Variants in NEDD4L observed in about 807,000 individuals in gnomAD.
NEDD4L encodes the protein E3 ubiquitin-protein ligase NEDD4-like.
In NEDD4L, 54 loss-of-function variants were observed where a neutral mutation model predicts 148.9. That is an observed-to-expected ratio of 0.36 (90% CI 0.29 to 0.45). The LOEUF is 0.45. Among genes scored for constraint, NEDD4L ranks in the 20% least tolerant of loss-of-function variants. The pLI is 1.00. For synonymous variants in NEDD4L, 433 were observed against 440.7 expected, an observed-to-expected ratio of 0.98 and a Z score of 0.22; for missense variants, 856 against 1,233.8, an observed-to-expected ratio of 0.69 and a Z score of 4.59.
intron 5 of NEDD4L, among the ~76,000 whole-genome samples, chr18:58,309,082 C>T (rs1283734653): frequency 2.6e-5 from 4 of 152,208 alleles, no homozygotes; most frequent in African/African-American, 9.6e-5. Flanking sequence ...GCCAGTTATT[C>T]CCTGTTTAAT....
chr18:58,080,934 G>T (rs2083397003), intron 1 of NEDD4L, among the ~76,000 whole-genome samples: 1 of 152,032 alleles, frequency 6.6e-6, no homozygotes, highest in South Asian at 2.1e-4. Flanking sequence ...ATTGGGAGGT[G>T]GTAGAGGGCT....
At chr18:58,287,040 G>C (rs1338275181) in intron 5 of NEDD4L, among the ~76,000 whole-genome samples, 1 of 151,672 alleles carries the variant, frequency 6.6e-6, no homozygotes, top group Non-Finnish European at 1.5e-5. Flanking sequence ...AGTGTGCTTA[G>C]AGTGCTGATA....
At chr18:58,162,970 A>G (rs1031262225) in intron 1 of NEDD4L, among the ~76,000 whole-genome samples, 1 of 152,048 alleles carries the variant, frequency 6.6e-6, no homozygotes, top group African/African-American at 2.4e-5. Flanking sequence ...AGGCTGACGC[A>G]GAAGAATCAC....
chr18:58,090,994 G>A (rs1053024088), intron 1 of NEDD4L: 16 of 152,092 alleles, frequency 1.1e-4, no homozygotes, highest in Admixed American at 7.2e-4. Context: ...CTGCAGATGG[G>A]AACTCACTAC....
At position 58,391,512 on chromosome 18, in the gene NEDD4L, A is replaced by C. The variant is rs1166321459; in HGVS notation, c.2778A>C (p.Thr926=). The change falls in exon 30 of 31, where the codon ACA becomes ACC. Residue 926 remains threonine, a synonymous_variant. Coordinates refer to ENST00000400345, the MANE Select transcript of NEDD4L (RefSeq NM_001144967.3). ...LYGSNGPQLF[T]IEQWGSPEKL... ...GTTCCAATGGTCCTCAGCTGTTTAC[A>C]ATAGAGCAATGGGGCAGTCCTGAGA... The C allele has an allele frequency of 1.3e-6, 2 of 1,583,322 alleles. No homozygotes were observed.
Position 58,177,648 on chromosome 18 carries a change from G to A in NEDD4L, c.122+11787G>A, listed in dbSNP as rs375878549. 3.2e-3 allele frequency among the ~76,000 whole-genome samples: 483 copies of A among 152,288 alleles called. 3 individuals are homozygous for A. The highest frequency in any genetic ancestry group is 0.011 in the African/African-American group (468 of 41,564). ...CTCCTATGCATCTGTGTTATTGAAG[G>A]TAACAATGTCCCTTCTACCCAAAAG... On this transcript the variant is annotated intron_variant, in intron 2 of 30. Coordinates refer to ENST00000400345, the MANE Select transcript of NEDD4L (RefSeq NM_001144967.3).
chr18:58,205,826 C>T (rs2041925807), intron 2 of NEDD4L, among the ~76,000 whole-genome samples: 1 of 151,814 alleles, frequency 6.6e-6, no homozygotes, highest in African/African-American at 2.4e-5. Flanking sequence ...CTTTCACATC[C>T]CCTTGGTTCT....
intron 5 of NEDD4L, among the ~76,000 whole-genome samples, chr18:58,260,777 G>T (rs1415273553): frequency 6.6e-6 from 1 of 152,148 alleles, no homozygotes; most frequent in African/African-American, 2.4e-5. Context: ...TTTAGAGGTG[G>T]TAACTTCATT....
At chr18:58,192,630 A>G (rs1051965463) in intron 2 of NEDD4L, among the ~76,000 whole-genome samples, 1 of 152,086 alleles carries the variant, frequency 6.6e-6, no homozygotes, top group African/African-American at 2.4e-5. Context: ...TTAGTTTCCT[A>G]CCTAGCTGAA....
intron 13 of NEDD4L, among the ~76,000 whole-genome samples, chr18:58,340,626 C>T (rs929309251): frequency 2.0e-5 from 3 of 152,174 alleles, no homozygotes; most frequent in Admixed American, 6.5e-5. Flanking sequence ...GGAGCTACAT[C>T]GAGGAGAAAC....
At position 58,286,674 on chromosome 18, in the gene NEDD4L, A is replaced by G. The variant is rs570545175; in HGVS notation, c.298-29308A>G. 3.9e-5 allele frequency among the ~76,000 whole-genome samples: 6 copies of G among 152,364 alleles called. No individual in the cohort carries two copies. The South Asian group carries it at 1.0e-3, about 26-fold the overall frequency. On this transcript the variant is annotated intron_variant, in intron 5 of 30. Transcript: ENST00000400345. ...GCTTCATCATGTTCATGATAATCCC[A>G]GCAGCTTGAAATGTCAAACTGGTAG...
chr18:58,153,648 G>A (rs375346884), intron 1 of NEDD4L, among the ~76,000 whole-genome samples: 68 of 145,674 alleles, frequency 4.7e-4, no homozygotes, highest in African/African-American at 1.5e-3. Context: ...TTAGCTTTGC[G>A]AAACGTTTTT....
intron 1 of NEDD4L, among the ~76,000 whole-genome samples, chr18:58,105,431 C>G (rs473776): frequency 6.6e-6 from 1 of 152,056 alleles, no homozygotes; most frequent in African/African-American, 2.4e-5. Context: ...TAGTCATTCT[C>G]GAGACTCCTG....
rs1301705045 is a variant in NEDD4L at position 58,306,638 on chromosome 18, T to TG, written c.298-9344_298-9343insG. Among the ~76,000 whole-genome samples, 3 of 152,130 alleles carry TG rather than the reference T, an allele frequency of 2.0e-5. No homozygotes were observed. The East Asian group carries it at 5.8e-4, about 29-fold the overall frequency. On this transcript the variant is annotated intron_variant, in intron 5 of 30. Coordinates refer to ENST00000400345, the MANE Select transcript of NEDD4L (RefSeq NM_001144967.3). Reference sequence around the variant, plus strand: ...GGGCAAGTTTCTTTCTTCTTTTTTTTTTTTGAAATGGAATTTTGCTCTTGT... The same window carrying TG: ...GGGCAAGTTTCTTTCTTCTTTTTTTTGTTTTGAAATGGAATTTTGCTCTTGT...
chr18:58,233,170 G>T (rs1006870252), intron 2 of NEDD4L, among the ~76,000 whole-genome samples: 5 of 152,144 alleles, frequency 3.3e-5, no homozygotes, highest in African/African-American at 9.7e-5. Context: ...TATGGGCCCT[G>T]CCCCATCCCC....
chr18:58,291,358 C>G (rs954963858), intron 5 of NEDD4L, among the ~76,000 whole-genome samples: 1 of 152,190 alleles, frequency 6.6e-6, no homozygotes, highest in African/African-American at 2.4e-5. Flanking sequence ...CACAAGGATG[C>G]TGGAAAGTGT....
At chr18:58,131,177 TTTG>T (rs965454672) in intron 1 of NEDD4L, among the ~76,000 whole-genome samples, 1 of 148,580 alleles carries the variant, frequency 6.7e-6, no homozygotes, top group Non-Finnish European at 1.5e-5. Context: ...AGTGTTGGCC[TTTG>T]TTGGGATTTG....
At chr18:58,374,797 G>T (rs1157607774) in intron 24 of NEDD4L, among the ~76,000 whole-genome samples, 1 of 152,094 alleles carries the variant, frequency 6.6e-6, no homozygotes, top group Non-Finnish European at 1.5e-5. Flanking sequence ...CCCTGTGGAT[G>T]CAGGTGTCAC....
intron 1 of NEDD4L, among the ~76,000 whole-genome samples, chr18:58,102,669 T>C (rs2084827555): frequency 1.3e-5 from 2 of 152,168 alleles, no homozygotes; most frequent in African/African-American, 4.8e-5. Flanking sequence ...TAACGCAGTA[T>C]CACATCTATT....
Sources: gnomAD v4.1 joint callset for allele counts (sites outside exome capture counted in the v4.1 genomes callset) on GRCh38, gnomAD v4.1.1 for gene constraint, MANE v1.5 for transcripts, NCBI Gene and HGNC (gene_info 2026-07-23, HGNC 2026-07-21) for gene names.